The following NBN variants were observed in gnomAD, a reference collection of about 807,000 sequenced individuals.
NBN encodes nibrin.
A neutral mutation model predicts 90.8 loss-of-function variants in NBN; 88 were observed. The observed-to-expected ratio is 0.97, with a 90% confidence interval of 0.82 to 1.16. NBN has a LOEUF of 1.16. Ranked by LOEUF, NBN falls within the 50% of genes most tolerant of loss-of-function variation. The probability of loss-of-function intolerance (pLI) is 0.00; values close to 1 mark genes in which losing one functional copy is unlikely to be tolerated. For synonymous variants in NBN, 328 were observed against 295.1 expected (o/e 1.11, Z -1.14); for missense variants, 894 against 869.6 (o/e 1.03, Z -0.35).
At chr8:89,978,939 C>A (rs1811910996) in intron 4 of NBN, among the ~76,000 whole-genome samples, 1 of 152,150 alleles carries the variant, frequency 6.6e-6, no homozygotes, top group Non-Finnish European at 1.5e-5. Flanking sequence ...TTAGAAAATG[C>A]TACAGTGGGC....
chr8:89,981,240 G>C lies in NBN; in HGVS notation c.320+135C>G, dbSNP rs2129913089. The C allele has an allele frequency of 5.3e-6, 5 of 951,710 alleles. No individual in the cohort carries two copies. The East Asian group carries it at 1.2e-4, about 23-fold the overall frequency. The allele number at this position is 951,710 out of a possible 1,614,324, so 59.0% of individuals were successfully genotyped here. ...GTACAAAATGCACTCACCACCCATGGCACAGAGTCCAATACTGTGCTAAGC... is the reference window on the plus strand; with the variant it reads ...GTACAAAATGCACTCACCACCCATGCCACAGAGTCCAATACTGTGCTAAGC... On this transcript the variant is annotated intron_variant, in intron 3 of 15. Transcript: ENST00000265433.
intron 12 of NBN, among the ~76,000 whole-genome samples, chr8:89,947,494 T>C (rs966272629): frequency 1.3e-5 from 2 of 152,056 alleles, no homozygotes; most frequent in Non-Finnish European, 2.9e-5. Flanking sequence ...TCGGGCGTGG[T>C]GGCACATGCC....
intron 4 of NBN, among the ~76,000 whole-genome samples, chr8:89,978,767 G>C (rs1410210681): frequency 1.3e-5 from 2 of 152,118 alleles, no homozygotes; most frequent in Non-Finnish European, 2.9e-5. Context: ...CTTTCAAAAA[G>C]ATTGTAACTA....
intron 14 of NBN, among the ~76,000 whole-genome samples, chr8:89,942,937 T>C (rs1310871211): frequency 1.3e-5 from 2 of 152,128 alleles, no homozygotes; most frequent in South Asian, 2.1e-4. Context: ...TTAAGTGATA[T>C]ATTTGTAATA....
rs2129720976 is a variant in NBN, at chr8:89,955,479, G to A, written c.1201C>T (p.Pro401Ser). The A allele has an allele frequency of 6.2e-7, 1 of 1,613,452 alleles. No individual in the cohort carries two copies. Among genetic ancestry groups the A allele is most frequent in the Non-Finnish European group, 8.5e-7 (1 of 1,179,572 alleles). ...QKFRMLSQDA[P>S]TVKESCKTSS... Reference sequence around the variant, plus strand: ...GTTTTGCAGGACTCCTTTACAGTGGGTGCATCTTGTGAAAGCATTCTGAAT... The same window carrying A: ...GTTTTGCAGGACTCCTTTACAGTGGATGCATCTTGTGAAAGCATTCTGAAT... Residue 401 changes from proline to serine, a missense_variant, in exon 10 of 16, where the codon CCC becomes TCC. Transcript: ENST00000265433.
rs761042468 is a variant in NBN at position 89,958,766 on chromosome 8, T to C, written c.1083A>G (p.Thr361=). ...CTGATTCTGTGTCAGCTACGTATGT[T>C]GTAGTGTTCACTGGGGCGCTTGGCA... The part of the protein sequence containing the change: ...KLMPSAPVNT[T]TYVADTESEQ... Residue 361 remains threonine, a synonymous_variant, in exon 9 of 16, where the codon ACA becomes ACG. Coordinates refer to ENST00000265433, the MANE Select transcript of NBN (RefSeq NM_002485.5). 8 of 1,614,146 alleles carry C rather than the reference T, an allele frequency of 5.0e-6. No individual in the cohort carries two copies. The East Asian group carries it at 1.8e-4, about 36-fold the overall frequency.
chr8:89,981,669 G>T (rs1812076731), intron 2 of NBN, 146 bp from the exon 3 acceptor site: 2 of 791,662 alleles, frequency 2.5e-6, no homozygotes, highest in Non-Finnish European at 4.0e-6. Context: ...TGCCTTGAGA[G>T]GAAGATCACT....
chr8:89,962,030 A>G (rs1301079113), intron 8 of NBN, among the ~76,000 whole-genome samples: 1 of 152,162 alleles, frequency 6.6e-6, no homozygotes, highest in African/African-American at 2.4e-5. Flanking sequence ...AAAATGTCCA[A>G]AGTTTCCAGT....
chr8:89,945,219 C>T (rs1485884775), intron 13 of NBN, among the ~76,000 whole-genome samples: 3 of 152,030 alleles, frequency 2.0e-5, no homozygotes, highest in East Asian at 3.8e-4. Context: ...AGTAAGAATG[C>T]CTTTGTGCTA....
intron 14 of NBN, among the ~76,000 whole-genome samples, 155 bp downstream of exon 14, chr8:89,943,098 G>C (rs1433083034): frequency 6.6e-6 from 1 of 151,128 alleles, no homozygotes; most frequent in African/African-American, 2.4e-5. Context: ...GTTATGGAAG[G>C]GTATAGATTA....
At chr8:89,955,672 C>T (rs1586059998) in intron 9 of NBN, 117 bp from the exon 10 acceptor site, 1 of 1,132,292 alleles carries the variant, frequency 8.8e-7, no homozygotes, top group East Asian at 2.6e-5. Flanking sequence ...AATTTTTAGA[C>T]AAAAATACAC....
chr8:89,953,855 G>T, intron 10 of NBN, 164 bp from the exon 11 acceptor site: 1 of 185,090 alleles, frequency 5.4e-6, no homozygotes, highest in Non-Finnish European at 1.0e-5. Flanking sequence ...TGAAAACAGT[G>T]CAGAACTCAC....
At position 89,934,460 on chromosome 8, in the gene NBN, G is replaced by C. The variant is rs1180337366; in HGVS notation, c.*1122C>G. ...GCAGCTGGAGTTCCACCTGCAAGCAGCCAGAACTTGGAAGTAAGTTAATTT... is the reference window on the plus strand; with the variant it reads ...GCAGCTGGAGTTCCACCTGCAAGCACCCAGAACTTGGAAGTAAGTTAATTT... On this transcript the variant is annotated 3_prime_UTR_variant, in exon 16 of 16. Coordinates refer to ENST00000265433, the MANE Select transcript of NBN (RefSeq NM_002485.5). 4.3e-6 allele frequency: 1 copy of C among 232,994 alleles called. No individual in the cohort carries two copies. Among genetic ancestry groups the C allele is most frequent in the East Asian group, 6.0e-5 (1 of 16,556 alleles). 14.4% of individuals were successfully genotyped at this position (232,994 alleles called of 1,614,324 possible). A position where few individuals can be genotyped will look rare whatever the true frequency, so the allele number is the denominator to read the frequency against.
At chr8:89,979,545 TG>T (rs1210119455) in intron 4 of NBN, among the ~76,000 whole-genome samples, 2 of 148,782 alleles carry the variant, frequency 1.3e-5, no homozygotes, top group African/African-American at 5.2e-5. Context: ...TTGTTGTTGT[TG>T]TTTTTAAGTA....
At chr8:89,971,331 A>C (rs1180181326) in intron 5 of NBN, 41 bp from the exon 6 acceptor site, 12 of 1,561,690 alleles carry the variant, frequency 7.7e-6, no homozygotes, top group Non-Finnish European at 1.0e-5. Context: ...ATATACTACT[A>C]TGTTTGCTAT....
At chr8:89,966,544 C>T (rs1811262531) in intron 7 of NBN, among the ~76,000 whole-genome samples, 1 of 152,126 alleles carries the variant, frequency 6.6e-6, no homozygotes, top group Non-Finnish European at 1.5e-5. Context: ...TAAGAGATTT[C>T]AAGCAAACCT....
intron 13 of NBN, among the ~76,000 whole-genome samples, chr8:89,945,629 T>C (rs1018833599): frequency 2.0e-5 from 3 of 152,204 alleles, no homozygotes; most frequent in African/African-American, 7.2e-5. Context: ...TAGAAGTCTT[T>C]TTTTAACCAT....
chr8:89,950,741 A>C (rs1283866238), intron 11 of NBN, among the ~76,000 whole-genome samples: 2 of 108,338 alleles, frequency 1.8e-5, no homozygotes, highest in East Asian at 6.7e-4. Flanking sequence ...TTACATATTA[A>C]ATGAAAGTTT....
intron 11 of NBN, among the ~76,000 whole-genome samples, chr8:89,950,370 G>A (rs1810391772): frequency 6.6e-6 from 1 of 152,152 alleles, no homozygotes; most frequent in Non-Finnish European, 1.5e-5. Flanking sequence ...CTAATACAAT[G>A]TAAGTGCTAC....
Sources: allele counts gnomAD v4.1 joint callset (sites outside exome capture counted in the v4.1 genomes callset), GRCh38; gene constraint gnomAD v4.1.1; transcripts MANE v1.5; gene names NCBI Gene and HGNC (gene_info 2026-07-23, HGNC 2026-07-21).